Variants in NLK observed in about 807,000 individuals in gnomAD.
NLK encodes the protein serine/threonine-protein kinase NLK.
Under a neutral mutation model 59.0 loss-of-function variants are expected in NLK, and 11 were observed. That is an observed-to-expected ratio of 0.19 (90% confidence interval 0.12 to 0.31). The LOEUF (loss-of-function observed/expected upper bound fraction) is 0.31. NLK is among the 10% of genes least tolerant of loss of function. The pLI is 1.00. For missense variants in NLK, 410 were observed against 661.1 expected, an observed-to-expected ratio of 0.62 and a Z score of 4.16; for synonymous variants, 235 against 235.9, an observed-to-expected ratio of 1.00 and a Z score of 0.03.
intron 5 of NLK, among the ~76,000 whole-genome samples, chr17:28,164,618 T>C (rs957106682): frequency 6.6e-6 from 1 of 152,178 alleles, no homozygotes; most frequent in African/African-American, 2.4e-5. Context: ...ATATTTGTAT[T>C]TCCCTACCTC....
intron 1 of NLK, among the ~76,000 whole-genome samples, chr17:28,110,217 TTA>T (rs559599122): frequency 2.6e-5 from 4 of 151,662 alleles, no homozygotes; most frequent in African/African-American, 2.4e-5. Flanking sequence ...TATTTATTGC[TTA>T]TATATATATA....
intron 1 of NLK, chr17:28,061,869 CAT>C (rs964172510): frequency 1.8e-3 from 247 of 138,448 alleles, no homozygotes; most frequent in African/African-American, 5.2e-3. Context: ...TATACATATA[CAT>C]ATATATAATA....
intron 5 of NLK, among the ~76,000 whole-genome samples, chr17:28,163,964 A>G (rs1283799603): frequency 3.3e-5 from 5 of 152,262 alleles, no homozygotes; most frequent in African/African-American, 1.2e-4. Flanking sequence ...ATCTGTTTAT[A>G]TAAGAGAATG....
chr17:28,077,120 A>C (rs1236580749), intron 1 of NLK, among the ~76,000 whole-genome samples: 1 of 44,152 alleles, frequency 2.3e-5, no homozygotes, highest in Non-Finnish European at 4.3e-5. Flanking sequence ...TCTCTTTCTT[A>C]GACAAGGTAC....
At chr17:28,153,542 C>T (rs940750870) in intron 3 of NLK, among the ~76,000 whole-genome samples, 1 of 152,194 alleles carries the variant, frequency 6.6e-6, no homozygotes, top group Non-Finnish European at 1.5e-5. Context: ...ACCTAATCAC[C>T]TCCCAAAGGT....
chr17:28,054,248 T>G (rs1438607557), intron 1 of NLK, among the ~76,000 whole-genome samples: 1 of 152,252 alleles, frequency 6.6e-6, no homozygotes, highest in Non-Finnish European at 1.5e-5. Context: ...ATTGGCTTCC[T>G]CTGTGTTCAT....
intron 1 of NLK, among the ~76,000 whole-genome samples, chr17:28,090,441 C>T (rs923136261): frequency 2.6e-5 from 4 of 152,120 alleles, no homozygotes; most frequent in African/African-American, 9.7e-5. Context: ...TGTAGATACC[C>T]AGTTTTTCAT....
chr17:28,146,532 G>T (rs1240274452), intron 3 of NLK, among the ~76,000 whole-genome samples: 1 of 152,110 alleles, frequency 6.6e-6, no homozygotes, highest in Non-Finnish European at 1.5e-5. Flanking sequence ...TTTTATAAAT[G>T]CAGGAACAGA....
intron 1 of NLK, among the ~76,000 whole-genome samples, chr17:28,103,789 A>C (rs759728509): frequency 3.9e-5 from 6 of 152,218 alleles, no homozygotes; most frequent in Non-Finnish European, 8.8e-5. Flanking sequence ...CAAGAGAAAT[A>C]GTTTTAAGAC....
Position 28,106,274 on chromosome 17 carries a change from A to G in NLK, c.459-16329A>G, listed in dbSNP as rs542876182. On this transcript the variant is annotated intron_variant, in intron 1 of 10. Transcript: ENST00000407008. ...CTTTTATACAGTGTGCTTTATTTTT[A>G]TGAACACTATAGCATTTCAATTTAT... Among the ~76,000 whole-genome samples, 58 of 152,270 alleles carry G rather than the reference A, an allele frequency of 3.8e-4. 1 individual carries two copies. The highest frequency in any genetic ancestry group is 2.7e-3 in the South Asian group (13 of 4,830).
chr17:28,138,518 C>G (rs1466375614), intron 3 of NLK, among the ~76,000 whole-genome samples: 1 of 152,172 alleles, frequency 6.6e-6, no homozygotes, highest in East Asian at 1.9e-4. Flanking sequence ...AGTGAGGAAA[C>G]CTGTGTGTCC....
Position 28,168,472 on chromosome 17 carries a change from G to A in NLK, c.862G>A (p.Val288Met). The change falls in exon 6 of 11, where the codon GTG becomes ATG. Residue 288 changes from valine to methionine, a missense_variant. By Grantham distance (21) the Val-to-Met change is conservative. Transcript: ENST00000407008. The part of the protein sequence containing the change: ...LKICDFGLAR[V>M]EELDESRHMT... ...GATTTGTGATTTTGGATTGGCCAGA[G>A]TGGAAGAATTAGATGAATCCCGTCA... is the stretch of plus-strand genomic sequence containing the variant. 1.2e-6 allele frequency: 2 copies of A among 1,613,704 alleles called. No individual in the cohort carries two copies. Among genetic ancestry groups the A allele is most frequent in the Non-Finnish European group, 8.5e-7 (1 of 1,179,644 alleles).
chr17:28,123,374 C>T (rs1203463877), intron 2 of NLK, among the ~76,000 whole-genome samples: 1 of 152,032 alleles, frequency 6.6e-6, no homozygotes, highest in African/African-American at 2.4e-5. Context: ...TATTGAGGGG[C>T]TTGGAAACCT....
chr17:28,148,251 C>T (rs1302357974), intron 3 of NLK, among the ~76,000 whole-genome samples: 3 of 152,036 alleles, frequency 2.0e-5, no homozygotes, highest in Admixed American at 1.3e-4. Flanking sequence ...CCCACCCCCC[C>T]ACAAAAAGTA....
At chr17:28,166,221 T>C (rs112161055) in intron 5 of NLK, among the ~76,000 whole-genome samples, 6 of 152,158 alleles carry the variant, frequency 3.9e-5, no homozygotes, top group Middle Eastern at 3.4e-3. Context: ...TCAAAAAATA[T>C]ATATATATAT....
At chr17:28,184,881 G>T (rs1461571670) in intron 7 of NLK, among the ~76,000 whole-genome samples, 1 of 152,196 alleles carries the variant, frequency 6.6e-6, no homozygotes, top group Non-Finnish European at 1.5e-5. Context: ...CTGGAAGGCG[G>T]AGGTTGCAGT....
At chr17:28,167,504 C>T (rs1400101752) in intron 5 of NLK, among the ~76,000 whole-genome samples, 2 of 151,808 alleles carry the variant, frequency 1.3e-5, no homozygotes, top group Non-Finnish European at 2.9e-5. Context: ...CCTGGGATTA[C>T]GGGCATGAGC....
intron 3 of NLK, among the ~76,000 whole-genome samples, chr17:28,160,547 C>T (rs1221591393): frequency 6.6e-6 from 1 of 152,144 alleles, no homozygotes. Flanking sequence ...CCTAAACATA[C>T]AACAGAGTAC....
chr17:28,131,588 A>T (rs1396646232), intron 2 of NLK, among the ~76,000 whole-genome samples: 13 of 104,240 alleles, frequency 1.2e-4, no homozygotes, highest in Non-Finnish European at 2.3e-4. Flanking sequence ...CTCTGTAGTA[A>T]AAAAAAAAAA....
Sources: gnomAD v4.1 joint callset for allele counts (sites outside exome capture counted in the v4.1 genomes callset) on GRCh38, gnomAD v4.1.1 for gene constraint, MANE v1.5 for transcripts, NCBI Gene and HGNC (gene_info 2026-07-23, HGNC 2026-07-21) for gene names.